The following SAMD12 variants were observed in gnomAD, a reference collection of about 807,000 sequenced individuals.
SAMD12 encodes sterile alpha motif domain-containing protein 12.
A neutral mutation model predicts 15.0 loss-of-function variants in SAMD12; 9 were observed. That is an observed-to-expected ratio of 0.60 (90% CI 0.36 to 1.05). The LOEUF (loss-of-function observed/expected upper bound fraction) is 1.05. Among genes scored for constraint, SAMD12 ranks in the 50% least tolerant of loss-of-function variants. SAMD12 has a pLI of 0.01. For synonymous variants in SAMD12, 86 were observed against 90.1 expected (o/e 0.96, Z 0.25); for missense variants, 230 against 234.2 (o/e 0.98, Z 0.12).
Position 118,224,730 on chromosome 8 carries a change from A to G in SAMD12, c.434-26998T>C, listed in dbSNP as rs560611598. Among the ~76,000 whole-genome samples, 3 of 152,364 alleles carry G rather than the reference A, an allele frequency of 2.0e-5. No individual in the cohort carries two copies. The South Asian group carries it at 6.2e-4, about 32-fold the overall frequency. ...GGCTTTTGGAGAATAAAGCACCTGA[A>G]CAATAATCAGAAAAGGCAAAATTGC... On this transcript the variant is annotated intron_variant, in intron 4 of 4. Transcript: ENST00000409003.
At chr8:118,185,577 A>G (rs1819229008), downstream of SAMD12, among the ~76,000 whole-genome samples, 1 of 152,246 alleles carries the variant, frequency 6.6e-6, no homozygotes, top group Non-Finnish European at 1.5e-5. Flanking sequence ...TTACTTTAAA[A>G]GCAAAGCTGA....
intron 1 of SAMD12, among the ~76,000 whole-genome samples, chr8:118,617,572 T>C (rs1828268705): frequency 6.6e-6 from 1 of 152,204 alleles, no homozygotes; most frequent in African/African-American, 2.4e-5. Context: ...GGAAATCATT[T>C]TTCTGCCACA....
chr8:118,179,651 T>C, the SAMD12 span, among the ~76,000 whole-genome samples: 1 of 152,164 alleles, frequency 6.6e-6, no homozygotes, highest in East Asian at 1.9e-4. Context: ...AAAGGTGAAG[T>C]CATTACTAGA....
chr8:118,452,367 G>A (rs1430565726), intron 2 of SAMD12, among the ~76,000 whole-genome samples: 1 of 152,136 alleles, frequency 6.6e-6, no homozygotes, highest in African/African-American at 2.4e-5. Context: ...CACCAACATA[G>A]TGAGAAGGGG....
chr8:118,133,353 A>G, the SAMD12 span, among the ~76,000 whole-genome samples: 1 of 151,002 alleles, frequency 6.6e-6, no homozygotes. Flanking sequence ...TTCAACTTTT[A>G]TTTTAAGTTC....
At chr8:118,466,629 G>T (rs74402462) in intron 2 of SAMD12, among the ~76,000 whole-genome samples, 4,206 of 152,156 alleles carry the variant, frequency 0.028, 184 homozygotes, top group African/African-American at 0.096. Flanking sequence ...GCTTTTTCAG[G>T]TATCTTTACA....
At chr8:118,353,582 T>A (rs1221053514) in intron 4 of SAMD12, among the ~76,000 whole-genome samples, 1 of 152,182 alleles carries the variant, frequency 6.6e-6, no homozygotes, top group East Asian at 1.9e-4. Flanking sequence ...TCTGGAACCA[T>A]GAGAAATAGA....
intron 1 of SAMD12, among the ~76,000 whole-genome samples, chr8:118,616,264 T>C (rs1828236959): frequency 6.6e-6 from 1 of 152,150 alleles, no homozygotes; most frequent in African/African-American, 2.4e-5. Flanking sequence ...AAGTTCTCAT[T>C]AAATGTGTAT....
intron 2 of SAMD12, among the ~76,000 whole-genome samples, chr8:118,449,216 C>A (rs894247927): frequency 6.6e-6 from 1 of 152,180 alleles, no homozygotes; most frequent in South Asian, 2.1e-4. Context: ...GTGCCCACAA[C>A]CATGCTCAGT....
intron 2 of SAMD12, among the ~76,000 whole-genome samples, chr8:118,579,440 T>C (rs377382657): frequency 6.6e-6 from 1 of 152,154 alleles, no homozygotes; most frequent in African/African-American, 2.4e-5. Flanking sequence ...CCATTTCTCT[T>C]AGCTAAAATG....
At chr8:118,181,168 C>T in the SAMD12 span, among the ~76,000 whole-genome samples, 2 of 152,080 alleles carry the variant, frequency 1.3e-5, no homozygotes, top group Non-Finnish European at 2.9e-5. Context: ...ACTACAGGTG[C>T]ATACCACCAC....
intron 4 of SAMD12, among the ~76,000 whole-genome samples, chr8:118,245,182 G>A (rs1812656950): frequency 6.6e-6 from 1 of 152,074 alleles, no homozygotes; most frequent in South Asian, 2.1e-4. Flanking sequence ...CAAAACCAGG[G>A]CATGCCAAGG....
intron 3 of SAMD12, among the ~76,000 whole-genome samples, chr8:118,429,808 C>T (rs4626637): frequency 0.54 from 81,577 of 151,912 alleles, 24,306 homozygotes; most frequent in Non-Finnish European, 0.65. Flanking sequence ...GAAGGAGAAT[C>T]GCTTGAACCT....
intron 3 of SAMD12, among the ~76,000 whole-genome samples, chr8:118,408,877 C>G (rs1821260043): frequency 6.6e-6 from 1 of 152,128 alleles, no homozygotes; most frequent in African/African-American, 2.4e-5. Flanking sequence ...CCTGCTAACT[C>G]AACTTAGCTA....
In SAMD12 at chr8:118,355,726, TCA is replaced by T. The variant is rs150088554; in HGVS notation, c.433+23832_433+23833del. ...TAGAAATGATTCTCCAACCAGCTAT[TCA>T]GTCTGATCAAAGGAAATTATTAAAA... is the stretch of plus-strand genomic sequence containing the variant. On this transcript the variant is annotated intron_variant, in intron 4 of 4. Transcript: ENST00000409003. 5.5e-4 allele frequency among the ~76,000 whole-genome samples: 83 copies of T among 152,268 alleles called. No individual in the cohort carries two copies. The East Asian group carries it at 0.016, about 29-fold the overall frequency.
intron 4 of SAMD12, among the ~76,000 whole-genome samples, chr8:118,256,952 A>G (rs923520909): frequency 6.6e-6 from 1 of 152,066 alleles, no homozygotes; most frequent in African/African-American, 2.4e-5. Context: ...AAACTTCTGC[A>G]TTCCTCATTT....
chr8:118,606,962 T>C (rs1286882987), intron 1 of SAMD12, among the ~76,000 whole-genome samples: 1 of 152,174 alleles, frequency 6.6e-6, no homozygotes, highest in Admixed American at 6.5e-5. Context: ...AGTACCCTCA[T>C]GGTACCACCT....
At chr8:118,245,954 A>C (rs773275427) in intron 4 of SAMD12, among the ~76,000 whole-genome samples, 12 of 152,172 alleles carry the variant, frequency 7.9e-5, no homozygotes, top group Non-Finnish European at 1.8e-4. Context: ...AAGCAGCTGC[A>C]GGAGGTAGGC....
chr8:118,596,907 T>C (rs368203837), intron 1 of SAMD12, among the ~76,000 whole-genome samples: 1 of 152,110 alleles, frequency 6.6e-6, no homozygotes, highest in East Asian at 1.9e-4. Context: ...TTGACAGGCT[T>C]GTGTGTGGTG....
Sources: gnomAD v4.1 joint callset for allele counts (sites outside exome capture counted in the v4.1 genomes callset) on GRCh38, gnomAD v4.1.1 for gene constraint, MANE v1.5 for transcripts, NCBI Gene and HGNC (gene_info 2026-07-23, HGNC 2026-07-21) for gene names.